CNTN5: variants seen among roughly 807,000 people sequenced by gnomAD.
CNTN5 encodes contactin 5.
Under a neutral mutation model 129.1 loss-of-function variants are expected in CNTN5, and 77 were observed. The observed-to-expected ratio is 0.60, with a 90% CI of 0.50 to 0.72. The LOEUF (loss-of-function observed/expected upper bound fraction) is 0.72. CNTN5 is among the 30% of genes least tolerant of loss of function. The probability of loss-of-function intolerance (pLI) is 0.00; values close to 1 mark genes in which losing one functional copy is unlikely to be tolerated. For synonymous variants in CNTN5, 509 were observed against 465.6 expected, an observed-to-expected ratio of 1.09 and a Z score of -1.20; for missense variants, 1,478 against 1,328.8, an observed-to-expected ratio of 1.11 and a Z score of -1.75.
At chr11:100,300,781 CTGAT>C (rs1951200681) in intron 20 of CNTN5, among the ~76,000 whole-genome samples, 4 of 151,540 alleles carry the variant, frequency 2.6e-5, no homozygotes, top group Admixed American at 2.6e-4. Context: ...TAGAGGTATT[CTGAT>C]GAGATACCAA....
intron 2 of CNTN5, among the ~76,000 whole-genome samples, chr11:99,511,532 G>T (rs1215135511): frequency 1.3e-5 from 2 of 152,018 alleles, no homozygotes; most frequent in African/African-American, 4.8e-5. Context: ...GATTTGGGGT[G>T]GAGAGTTCTG....
At chr11:99,446,900 T>C (rs1431408891) in intron 2 of CNTN5, among the ~76,000 whole-genome samples, 3 of 152,218 alleles carry the variant, frequency 2.0e-5, no homozygotes, top group Non-Finnish European at 4.4e-5. Context: ...TTTCAAAGAC[T>C]GGTTTATTCA....
chr11:100,188,224 A>C (rs1948363569), intron 13 of CNTN5, among the ~76,000 whole-genome samples: 2 of 152,138 alleles, frequency 1.3e-5, no homozygotes, highest in Non-Finnish European at 2.9e-5. Flanking sequence ...TGGGCAAATC[A>C]CTTGAAGCCA....
chr11:100,295,853 ATACAT>A (rs1951089636), intron 18 of CNTN5, among the ~76,000 whole-genome samples: 1 of 151,462 alleles, frequency 6.6e-6, no homozygotes, highest in Non-Finnish European at 1.5e-5. Context: ...TGGGTCTGGT[ATACAT>A]TACCCATAAT....
chr11:99,674,300 G>GT (rs1953176461), intron 3 of CNTN5, among the ~76,000 whole-genome samples: 3 of 9,082 alleles, frequency 3.3e-4, no homozygotes, highest in Non-Finnish European at 8.1e-4. Flanking sequence ...ACCTTTTGAT[G>GT]GTTTTTTTTT....
intron 13 of CNTN5, among the ~76,000 whole-genome samples, chr11:100,153,929 A>C (rs907383155): frequency 6.6e-6 from 1 of 152,120 alleles, no homozygotes; most frequent in Non-Finnish European, 1.5e-5. Flanking sequence ...AAGTCTACTT[A>C]AAATTAAAAT....
intron 1 of CNTN5, among the ~76,000 whole-genome samples, chr11:99,258,126 T>A (rs1461532598): frequency 1.3e-5 from 2 of 152,082 alleles, no homozygotes; most frequent in African/African-American, 4.8e-5. Flanking sequence ...TTTATGAGAC[T>A]TCTCAAACAA....
chr11:99,199,109 G>C (rs1453019720), intron 1 of CNTN5, among the ~76,000 whole-genome samples: 2 of 152,124 alleles, frequency 1.3e-5, no homozygotes, highest in Non-Finnish European at 2.9e-5. Context: ...TAAGGGCCAA[G>C]TTTTCTAATA....
chr11:100,327,542 T>TA lies in CNTN5; in HGVS notation c.2731-12920dup, dbSNP rs536971859. 1.2e-3 allele frequency among the ~76,000 whole-genome samples: 179 copies of TA among 152,302 alleles called. 1 individual carries two copies. The highest frequency in any genetic ancestry group is 1.8e-3 in the Non-Finnish European group (123 of 68,020). On this transcript the variant is annotated intron_variant, in intron 21 of 24. Transcript: ENST00000524871. ...CCCTCAAGTTAGATCTGTATCAATA[T>TA]ATAGCTTCCCATAAACCTCTGATCA...
intron 1 of CNTN5, among the ~76,000 whole-genome samples, chr11:99,053,557 T>C (rs945653125): frequency 2.0e-5 from 3 of 151,958 alleles, no homozygotes; most frequent in Non-Finnish European, 1.5e-5. Flanking sequence ...TTATTCCAAA[T>C]TGTTTTCTCT....
chr11:99,561,860 A>C (rs2135552514), intron 3 of CNTN5, among the ~76,000 whole-genome samples: 1 of 152,268 alleles, frequency 6.6e-6, no homozygotes, highest in Admixed American at 6.5e-5. Context: ...AGCATTACAT[A>C]AATACTAAGG....
At chr11:99,705,882 A>T (rs377500360) in intron 3 of CNTN5, among the ~76,000 whole-genome samples, 1 of 151,482 alleles carries the variant, frequency 6.6e-6, no homozygotes, top group Admixed American at 6.6e-5. Flanking sequence ...AATAAGGAAT[A>T]CAGACCAGTG....
In CNTN5 at chr11:99,771,663, C is replaced by T. The variant is rs567320148; in HGVS notation, c.56-47881C>T. On this transcript the variant is annotated intron_variant, in intron 3 of 24. Coordinates refer to ENST00000524871, the MANE Select transcript of CNTN5 (RefSeq NM_014361.4). ...GCTGGCGGTGGGGGAAATGAGGAGA[C>T]GTTGGTCAGAAGTTACATATAATCA... Among the ~76,000 whole-genome samples the T allele has an allele frequency of 2.5e-4, 38 of 151,944 alleles. 1 individual carries two copies. In the South Asian group the frequency reaches 6.4e-3, roughly 26 times the overall value.
At chr11:99,644,972 A>C (rs1397984464) in intron 3 of CNTN5, among the ~76,000 whole-genome samples, 1 of 152,010 alleles carries the variant, frequency 6.6e-6, no homozygotes, top group Non-Finnish European at 1.5e-5. Context: ...AGATATGAAA[A>C]AAAAAATTTT....
At chr11:99,408,493 A>AGAAAGAAG (rs1279593471) in intron 2 of CNTN5, among the ~76,000 whole-genome samples, 2 of 147,040 alleles carry the variant, frequency 1.4e-5, no homozygotes, top group African/African-American at 5.0e-5. Context: ...AAAGAAAGAA[A>AGAAAGAAG]GAAAGAAAGA....
At chr11:99,900,671 G>T (rs1949333442) in intron 6 of CNTN5, among the ~76,000 whole-genome samples, 1 of 151,950 alleles carries the variant, frequency 6.6e-6, no homozygotes, top group East Asian at 1.9e-4. Flanking sequence ...TGCAATGTGG[G>T]TATCTTGAAG....
chr11:99,852,727 C>G (rs985625178), intron 6 of CNTN5, among the ~76,000 whole-genome samples: 3 of 152,092 alleles, frequency 2.0e-5, no homozygotes, highest in Non-Finnish European at 2.9e-5. Flanking sequence ...TCATAGTGCT[C>G]TTTTGTTTTG....
chr11:99,782,981 A>G (rs1157225040), intron 3 of CNTN5, among the ~76,000 whole-genome samples: 2 of 151,880 alleles, frequency 1.3e-5, no homozygotes, highest in African/African-American at 4.8e-5. Flanking sequence ...GACAAATGGG[A>G]TCTAATTAAA....
intron 6 of CNTN5, among the ~76,000 whole-genome samples, chr11:99,892,396 T>C (rs759219397): frequency 1.3e-5 from 2 of 152,200 alleles, no homozygotes; most frequent in Non-Finnish European, 2.9e-5. Flanking sequence ...CATGAAGTCT[T>C]TGCCCATACC....
Sources: gnomAD v4.1 joint callset for allele counts (sites outside exome capture counted in the v4.1 genomes callset) on GRCh38, gnomAD v4.1.1 for gene constraint, MANE v1.5 for transcripts, NCBI Gene and HGNC (gene_info 2026-07-23, HGNC 2026-07-21) for gene names.